XRN1: variants seen among roughly 807,000 people sequenced by gnomAD.
The protein encoded by XRN1 is strand-exchange protein 1 homolog.
XRN1 carries 67 observed loss-of-function variants against 222.3 expected under a neutral mutation model. That is an observed-to-expected ratio of 0.30 (90% confidence interval 0.25 to 0.37). XRN1 has a LOEUF of 0.37. XRN1 is among the 10% of genes least tolerant of loss of function. The probability of loss-of-function intolerance (pLI) is 1.00; values close to 1 mark genes in which losing one functional copy is unlikely to be tolerated. For synonymous variants in XRN1, 643 were observed against 652.4 expected, an observed-to-expected ratio of 0.99 and a Z score of 0.22; for missense variants, 1,707 against 2,000.2, an observed-to-expected ratio of 0.85 and a Z score of 2.80.
chr3:142,343,080 A>G (rs1168702396), intron 33 of XRN1, among the ~76,000 whole-genome samples: 1 of 152,224 alleles, frequency 6.6e-6, no homozygotes, highest in East Asian at 1.9e-4. Context: ...TTTCTAGGAA[A>G]AAAATCTCAT....
rs1213109164 is a variant in XRN1 at position 142,356,892 on chromosome 3, T to A, written c.3672+20A>T. The stretch of plus-strand genomic sequence containing the variant: ...ATTTGTAAAAGGGGTAGAGGAGAAG[T>A]TAAAGACTGAGAGTCTTACTTGAGT... On this transcript the variant is annotated intron_variant, in intron 31 of 40. Coordinates refer to ENST00000392981, the MANE Select transcript of XRN1 (RefSeq NM_001282857.2). 6.2e-7 allele frequency: 1 copy of A among 1,606,190 alleles called. No homozygotes were observed. The highest frequency in any genetic ancestry group is 1.7e-5 in the Admixed American group (1 of 59,904).
intron 19 of XRN1, 123 bp from the exon 20 acceptor site, chr3:142,397,583 C>G (rs2067977555): frequency 1.6e-6 from 1 of 628,728 alleles, no homozygotes; most frequent in South Asian, 6.4e-5. Context: ...AACCCCACAA[C>G]TGTAATGTAA....
intron 32 of XRN1, among the ~76,000 whole-genome samples, chr3:142,348,091 G>T (rs1577263766): frequency 6.6e-6 from 1 of 151,854 alleles, no homozygotes; most frequent in East Asian, 1.9e-4. Flanking sequence ...AATGAGTAGG[G>T]GTTATAGAAG....
chr3:142,395,172 C>A (rs1049911379), intron 20 of XRN1, among the ~76,000 whole-genome samples: 1 of 152,098 alleles, frequency 6.6e-6, no homozygotes, highest in African/African-American at 2.4e-5. Flanking sequence ...AGGGGCAGAG[C>A]AACAGTAATC....
At chr3:142,388,858 A>G (rs1041062179) in intron 20 of XRN1, among the ~76,000 whole-genome samples, 1 of 152,232 alleles carries the variant, frequency 6.6e-6, no homozygotes, top group African/African-American at 2.4e-5. Flanking sequence ...TGTTCACAGC[A>G]TCTTCACTAT....
chr3:142,393,484 T>C (rs1355277861), intron 20 of XRN1, among the ~76,000 whole-genome samples: 1 of 149,974 alleles, frequency 6.7e-6, no homozygotes, highest in South Asian at 2.2e-4. Flanking sequence ...CTTTAATCCA[T>C]CTTGAATTAA....
chr3:142,406,909 A>G (rs1224687494), intron 15 of XRN1, among the ~76,000 whole-genome samples: 1 of 152,256 alleles, frequency 6.6e-6, no homozygotes, highest in African/African-American at 2.4e-5. Context: ...TGCAGTAAGC[A>G]CAAGCTGCTG....
intron 2 of XRN1, among the ~76,000 whole-genome samples, chr3:142,427,772 T>C (rs1177415469): frequency 6.6e-6 from 1 of 152,232 alleles, no homozygotes; most frequent in African/African-American, 2.4e-5. Flanking sequence ...ACTACCTGCC[T>C]GACTTCTACT....
chr3:142,358,146 T>C (rs2066515126), intron 30 of XRN1, among the ~76,000 whole-genome samples: 2 of 152,208 alleles, frequency 1.3e-5, no homozygotes, highest in African/African-American at 4.8e-5. Flanking sequence ...ATTCTCAGTA[T>C]AGCTCTTCCT....
intron 19 of XRN1, among the ~76,000 whole-genome samples, chr3:142,399,065 A>G (rs2068031046): frequency 6.6e-6 from 1 of 152,102 alleles, no homozygotes; most frequent in South Asian, 2.1e-4. Flanking sequence ...AAATAAATGA[A>G]GAGATATATT....
chr3:142,333,954 T>G (rs1223515068), intron 34 of XRN1, among the ~76,000 whole-genome samples: 3 of 152,208 alleles, frequency 2.0e-5, no homozygotes, highest in Non-Finnish European at 2.9e-5. Context: ...TCCAGAGCTG[T>G]GAGAAATAAA....
chr3:142,371,232 T>C lies in XRN1; in HGVS notation c.3068+7A>G, dbSNP rs755281062. 1 of 1,609,584 alleles carries C rather than the reference T, an allele frequency of 6.2e-7. No homozygotes were observed. Among genetic ancestry groups the C allele is most frequent in the Non-Finnish European group, 8.5e-7 (1 of 1,176,992 alleles). On this transcript the variant is annotated splice_region_variant and intron_variant, in intron 26 of 40. Transcript: ENST00000392981. ...ATGAGGTAATAAATATCATAAATCT[T>C]GCTTACCCATTCTCATTTTCTCCAG...
intron 3 of XRN1, 137 bp downstream of exon 3, chr3:142,426,607 C>G: frequency 1.3e-6 from 1 of 756,612 alleles, no homozygotes; most frequent in Non-Finnish European, 2.1e-6. Flanking sequence ...GTCTCATGAG[C>G]AAACATAAGT....
chr3:142,440,469 G>GC (rs2070151415), intron 1 of XRN1, among the ~76,000 whole-genome samples: 1 of 151,864 alleles, frequency 6.6e-6, no homozygotes, highest in South Asian at 2.1e-4. Flanking sequence ...AGCAAAGAAT[G>GC]CCCATCCTGG....
At chr3:142,370,212 G>A (rs2066947875) in intron 27 of XRN1, among the ~76,000 whole-genome samples, 1 of 151,984 alleles carries the variant, frequency 6.6e-6, no homozygotes, top group African/African-American at 2.4e-5. Context: ...TTTGTATATT[G>A]AAAATATAAT....
At chr3:142,425,156 A>G in intron 5 of XRN1, 66 bp downstream of exon 5, 1 of 1,157,568 alleles carries the variant, frequency 8.6e-7, no homozygotes, top group East Asian at 2.8e-5. Context: ...CTTCCTGTAC[A>G]AAATGAAATC....
chr3:142,329,342 C>T (rs2065624073), intron 37 of XRN1, 92 bp downstream of exon 37: 1 of 879,796 alleles, frequency 1.1e-6, no homozygotes, highest in Non-Finnish European at 1.6e-6. Flanking sequence ...AAAATAGGCC[C>T]CATTTTATTT....
intron 20 of XRN1, among the ~76,000 whole-genome samples, chr3:142,389,263 T>C (rs985475776): frequency 1.3e-5 from 2 of 152,100 alleles, no homozygotes; most frequent in African/African-American, 4.8e-5. Flanking sequence ...AGTTTTATCA[T>C]GAGAAAGCAG....
intron 29 of XRN1, among the ~76,000 whole-genome samples, chr3:142,361,963 CTTTTTTTTTTT>C (rs71153961): frequency 3.9e-5 from 2 of 51,680 alleles, no homozygotes; most frequent in East Asian, 6.6e-4. Flanking sequence ...CTTTTTCTCT[CTTTTTTTTTTT>C]TTTTTTTTTT....
Sources: gnomAD v4.1 joint callset for allele counts (sites outside exome capture counted in the v4.1 genomes callset) on GRCh38, gnomAD v4.1.1 for gene constraint, MANE v1.5 for transcripts, NCBI Gene and HGNC (gene_info 2026-07-23, HGNC 2026-07-21) for gene names.